The following SYT16 variants were observed in gnomAD, a reference collection of about 807,000 sequenced individuals.
The protein encoded by SYT16 is synaptotagmin 16.
In SYT16, 42 loss-of-function variants were observed where a neutral mutation model predicts 61.4. The ratio of observed to expected loss-of-function variants is 0.68; its 90% CI spans 0.53 to 0.89. SYT16 has a LOEUF of 0.89. Ranked by LOEUF, SYT16 falls within the 40% of genes least tolerant of loss-of-function variation. The probability of loss-of-function intolerance (pLI) is 0.00; values close to 1 mark genes in which losing one functional copy is unlikely to be tolerated. For missense variants in SYT16, 804 were observed against 807.3 expected, an observed-to-expected ratio of 1.00 and a Z score of 0.05; for synonymous variants, 314 against 302.3, an observed-to-expected ratio of 1.04 and a Z score of -0.40.
At chr14:62,076,244 A>G (rs2056492145) in intron 5 of SYT16, among the ~76,000 whole-genome samples, 1 of 152,222 alleles carries the variant, frequency 6.6e-6, no homozygotes, top group South Asian at 2.1e-4. Flanking sequence ...GGAAGGCATT[A>G]AGGAATGGTG....
intron 1 of SYT16, among the ~76,000 whole-genome samples, chr14:61,821,475 A>T (rs941770760): frequency 3.3e-5 from 5 of 152,196 alleles, no homozygotes; most frequent in Admixed American, 6.5e-5. Context: ...CTGGGCTTTC[A>T]TCTGAAGGCT....
intron 3 of SYT16, among the ~76,000 whole-genome samples, chr14:62,064,169 T>C (rs1393599365): frequency 6.6e-6 from 1 of 151,938 alleles, no homozygotes. Context: ...CTTCAGAAAA[T>C]ACTATCTTAT....
chr14:61,911,005 C>G (rs2048913695), intron 1 of SYT16, among the ~76,000 whole-genome samples: 1 of 152,238 alleles, frequency 6.6e-6, no homozygotes, highest in South Asian at 2.1e-4. Flanking sequence ...TCCTCATTCT[C>G]TGGCAACAGC....
At chr14:62,075,458 C>G in intron 5 of SYT16, 67 bp downstream of exon 5, 1 of 1,404,798 alleles carries the variant, frequency 7.1e-7, no homozygotes, top group South Asian at 1.8e-5. Context: ...ACTCTCCTTT[C>G]TCATCTCTCT....
In SYT16 at chr14:62,102,825, T is replaced by A. The variant is rs923539345; in HGVS notation, c.*2118T>A. The A allele has an allele frequency of 6.6e-6, 1 of 152,224 alleles. No homozygotes were observed. The highest frequency in any genetic ancestry group is 1.5e-5 in the Non-Finnish European group (1 of 68,044). The allele number at this position is 152,224 out of a possible 1,614,324, so 9.4% of individuals were successfully genotyped here. ...TTTCTTGGTACCCAATAATCACCTATACTTCATTTTCTGTTCCCAAGACCC... is the reference window on the plus strand; with the variant it reads ...TTTCTTGGTACCCAATAATCACCTAAACTTCATTTTCTGTTCCCAAGACCC... On this transcript the variant is annotated 3_prime_UTR_variant, in exon 8 of 8. Coordinates refer to ENST00000683842, the MANE Select transcript of SYT16 (RefSeq NM_001367656.1).
chr14:62,078,025 G>A (rs2056557755), intron 5 of SYT16, among the ~76,000 whole-genome samples: 1 of 151,868 alleles, frequency 6.6e-6, no homozygotes. Flanking sequence ...TAAGAGCAGG[G>A]GCCTCAAAGG....
At chr14:62,074,382 A>G (rs915648150) in intron 4 of SYT16, among the ~76,000 whole-genome samples, 8 of 152,128 alleles carry the variant, frequency 5.3e-5, no homozygotes, top group Non-Finnish European at 1.0e-4. Flanking sequence ...ATTTTCATAA[A>G]CCAGTGAGAC....
chr14:61,957,631 T>C (rs528340756), intron 1 of SYT16, among the ~76,000 whole-genome samples: 2 of 152,062 alleles, frequency 1.3e-5, no homozygotes, highest in Non-Finnish European at 2.9e-5. Flanking sequence ...TGTGGAACCA[T>C]CCTTGCATCA....
intron 1 of SYT16, among the ~76,000 whole-genome samples, chr14:61,907,699 C>T (rs1403486787): frequency 1.3e-5 from 2 of 152,212 alleles, no homozygotes; most frequent in African/African-American, 4.8e-5. Context: ...TTATGGCCTA[C>T]CTCGGCAATG....
chr14:61,863,411 C>T (rs759154174), intron 1 of SYT16, among the ~76,000 whole-genome samples: 21 of 152,182 alleles, frequency 1.4e-4, no homozygotes, highest in Non-Finnish European at 2.4e-4. Context: ...TGCGCATCTT[C>T]TTTGGTGAGG....
chr14:61,940,251 T>C (rs1423148875), intron 1 of SYT16, among the ~76,000 whole-genome samples: 1 of 152,156 alleles, frequency 6.6e-6, no homozygotes, highest in African/African-American at 2.4e-5. Context: ...ATTTTTTTTT[T>C]TCTGTTTCCA....
intron 3 of SYT16, among the ~76,000 whole-genome samples, chr14:62,039,831 G>GCA (rs1300882926): frequency 1.2e-5 from 1 of 86,866 alleles, no homozygotes; most frequent in African/African-American, 4.4e-5. Context: ...AGGGGCTTAA[G>GCA]CATACACACA....
chr14:61,831,610 TTTC>T (rs1257640143), intron 1 of SYT16, among the ~76,000 whole-genome samples: 4 of 152,216 alleles, frequency 2.6e-5, no homozygotes, highest in Non-Finnish European at 5.9e-5. Flanking sequence ...TCTTTCTGTG[TTTC>T]TTATCTGTTA....
At chr14:62,047,523 T>A (rs1264522409) in intron 3 of SYT16, among the ~76,000 whole-genome samples, 7 of 151,880 alleles carry the variant, frequency 4.6e-5, no homozygotes, top group Admixed American at 3.9e-4. Flanking sequence ...TGAATAGGAG[T>A]GGTGAGAGAG....
chr14:61,996,698 A>G (rs189094610), intron 3 of SYT16, among the ~76,000 whole-genome samples, 156 bp downstream of exon 3: 2 of 152,040 alleles, frequency 1.3e-5, no homozygotes, highest in Admixed American at 1.3e-4. Flanking sequence ...AATCCTTAGG[A>G]ATATTTTCAA....
rs377119717 is a variant in SYT16 at position 61,864,011 on chromosome 14, G to C, written c.-325+51201G>C. Among the ~76,000 whole-genome samples the C allele has an allele frequency of 1.8e-4, 28 of 152,332 alleles. No individual in the cohort carries two copies. In the East Asian group the frequency reaches 4.2e-3, roughly 23 times the overall value. ...ATGCTACATTGTCTGTAGTTTTATAGCACGTCTTGAAGTTGGGTAGTATCA... is the reference window on the plus strand; with the variant it reads ...ATGCTACATTGTCTGTAGTTTTATACCACGTCTTGAAGTTGGGTAGTATCA... On this transcript the variant is annotated intron_variant, in intron 1 of 7. Transcript: ENST00000683842.
intron 3 of SYT16, among the ~76,000 whole-genome samples, chr14:62,006,506 G>C (rs2053232019): frequency 6.6e-6 from 1 of 152,022 alleles, no homozygotes; most frequent in Non-Finnish European, 1.5e-5. Flanking sequence ...AGCTAAATTG[G>C]CCCAAAACAA....
intron 3 of SYT16, among the ~76,000 whole-genome samples, chr14:62,034,824 C>G (rs573183884): frequency 6.6e-6 from 1 of 152,100 alleles, no homozygotes; most frequent in Non-Finnish European, 1.5e-5. Context: ...CAACATTGTA[C>G]TGTATACTTA....
chr14:62,102,258 A>T lies in SYT16; in HGVS notation c.*1551A>T, dbSNP rs1228662371. On this transcript the variant is annotated 3_prime_UTR_variant, in exon 8 of 8. Coordinates refer to ENST00000683842, the MANE Select transcript of SYT16 (RefSeq NM_001367656.1). Reference sequence around the variant, plus strand: ...CTTGAAGAACATATTTATTCCTTACAGTGTGTAATGGTTATCCTGACAAGA... The same window carrying T: ...CTTGAAGAACATATTTATTCCTTACTGTGTGTAATGGTTATCCTGACAAGA... The T allele has an allele frequency of 6.6e-6, 1 of 152,200 alleles. No homozygotes were observed. The highest frequency in any genetic ancestry group is 2.4e-5 in the African/African-American group (1 of 41,448). 9.4% of individuals were successfully genotyped at this position (152,200 alleles called of 1,614,324 possible). A position where few individuals can be genotyped will look rare whatever the true frequency, so the allele number is the denominator to read the frequency against.
Sources: allele counts gnomAD v4.1 joint callset (sites outside exome capture counted in the v4.1 genomes callset), GRCh38; gene constraint gnomAD v4.1.1; transcripts MANE v1.5; gene names NCBI Gene and HGNC (gene_info 2026-07-23, HGNC 2026-07-21).